The following IGF1R variants were observed in gnomAD, a reference collection of about 807,000 sequenced individuals.
The protein encoded by IGF1R is insulin like growth factor 1 receptor, also known as insulin-like growth factor 1 receptor.
IGF1R carries 44 observed loss-of-function variants against 144.6 expected under a neutral mutation model. The ratio of observed to expected loss-of-function variants is 0.30; its 90% CI spans 0.24 to 0.39. IGF1R has a LOEUF of 0.39. Ranked by LOEUF, IGF1R falls within the 10% of genes least tolerant of loss-of-function variation. The pLI, the probability that IGF1R is intolerant of heterozygous loss-of-function variation, is 1.00. For missense variants in IGF1R, 1,355 were observed against 1,833.7 expected (o/e 0.74, Z 4.77); for synonymous variants, 795 against 722.8 (o/e 1.10, Z -1.60).
intron 1 of IGF1R, among the ~76,000 whole-genome samples, chr15:98,656,070 G>A (rs1355707066): frequency 6.6e-6 from 1 of 152,212 alleles, no homozygotes; most frequent in Non-Finnish European, 1.5e-5. Flanking sequence ...TTTATGGTGA[G>A]GGATGAACAC....
At chr15:98,875,207 G>C (rs1051095246) in intron 2 of IGF1R, among the ~76,000 whole-genome samples, 12 of 36,746 alleles carry the variant, frequency 3.3e-4, no homozygotes, top group Admixed American at 4.3e-4. Context: ...TTATTTCTTT[G>C]AAGAAGGCCA....
chr15:98,899,008 TA>T (rs1214503295), intron 4 of IGF1R, among the ~76,000 whole-genome samples: 1 of 152,246 alleles, frequency 6.6e-6, no homozygotes, highest in Non-Finnish European at 1.5e-5. Flanking sequence ...CAAGTCTTAG[TA>T]AAATGGAACC....
At chr15:98,697,663 C>T (rs1475458340) in intron 1 of IGF1R, among the ~76,000 whole-genome samples, 1 of 124,820 alleles carries the variant, frequency 8.0e-6, no homozygotes, top group East Asian at 2.3e-4. Context: ...TCCACTTGCA[C>T]TTGTGTTAAA....
chr15:98,842,631 C>A (rs1208554214), intron 2 of IGF1R, among the ~76,000 whole-genome samples: 1 of 152,150 alleles, frequency 6.6e-6, no homozygotes, highest in Non-Finnish European at 1.5e-5. Flanking sequence ...AACCATCAGT[C>A]GAAGGCTAAA....
At chr15:98,879,838 GA>G (rs1278186028) in intron 2 of IGF1R, among the ~76,000 whole-genome samples, 1 of 152,118 alleles carries the variant, frequency 6.6e-6, no homozygotes, top group Non-Finnish European at 1.5e-5. Context: ...GATAAATATT[GA>G]AAACATTACC....
chr15:98,838,609 A>G (rs905758296), intron 2 of IGF1R, among the ~76,000 whole-genome samples: 2 of 152,180 alleles, frequency 1.3e-5, no homozygotes, highest in East Asian at 1.9e-4. Context: ...CCAGTACTCT[A>G]AGGTCAAAGG....
chr15:98,954,525 A>G (rs1378139259), intron 20 of IGF1R: 2 of 152,252 alleles, frequency 1.3e-5, no homozygotes, highest in African/African-American at 2.4e-5. Context: ...ACAGAGCAAA[A>G]AAGACTTCCT....
At position 98,868,370 on chromosome 15, in the gene IGF1R, T is replaced by G. The variant is rs866575832; in HGVS notation, c.641-22955T>G. On this transcript the variant is annotated intron_variant, in intron 2 of 20. Transcript: ENST00000650285. ...GCCAAATCTGTTGGGTTTTTTTTTT[T>G]GGGGGGGGGGTCCTTTAGAATGGCC... Among the ~76,000 whole-genome samples, 258 of 122,776 alleles carry G rather than the reference T, an allele frequency of 2.1e-3. 1 individual carries two copies. The highest frequency in any genetic ancestry group is 4.6e-3 in the Middle Eastern group (1 of 218). 80.5% of individuals were successfully genotyped at this position (122,776 alleles called of 152,430 possible).
intron 1 of IGF1R, among the ~76,000 whole-genome samples, chr15:98,654,770 A>ATG (rs1294767490): frequency 4.6e-5 from 7 of 151,980 alleles, no homozygotes; most frequent in Non-Finnish European, 2.9e-5. Context: ...TACTAAATAT[A>ATG]TAATAGTTGC....
rs574643297 is a variant in IGF1R, at chr15:98,962,730, CTTGA to C, written c.*5292_*5295del. ...GAAGGAATGTGGGCAAGGTTTTGAA[CTTGA>C]TTGTTCTTGAAGCTATCAGACCACA... On this transcript the variant is annotated 3_prime_UTR_variant, in exon 21 of 21. Coordinates refer to ENST00000650285, the MANE Select transcript of IGF1R (RefSeq NM_000875.5). 124 of 233,566 alleles carry C rather than the reference CTTGA, an allele frequency of 5.3e-4. No homozygotes were observed. The highest frequency in any genetic ancestry group is 2.5e-3 in the Middle Eastern group (2 of 788). The allele number at this position is 233,566 out of a possible 1,614,324, so 14.5% of individuals were successfully genotyped here.
intron 13 of IGF1R, among the ~76,000 whole-genome samples, chr15:98,927,773 A>G (rs139704110): frequency 3.9e-5 from 6 of 152,360 alleles, no homozygotes; most frequent in African/African-American, 1.4e-4. Context: ...AAATAGCTGT[A>G]GTAGTCTTTA....
chr15:98,896,208 A>G (rs145728131), intron 3 of IGF1R, among the ~76,000 whole-genome samples: 24 of 152,350 alleles, frequency 1.6e-4, no homozygotes, highest in Non-Finnish European at 3.2e-4. Context: ...TAGCAAGAAA[A>G]TAATGGATCT....
chr15:98,948,546 G>A lies in IGF1R; in HGVS notation c.3588-28G>A, dbSNP rs555369075. On this transcript the variant is annotated intron_variant, in intron 19 of 20. Coordinates refer to ENST00000650285, the MANE Select transcript of IGF1R (RefSeq NM_000875.5). ...CATTGTTCAGTCCATCCCTTTCCAA[G>A]CTCCTCACAGTTTTTTTCTCCCTGT... 1.6e-5 allele frequency: 26 copies of A among 1,612,734 alleles called. No individual in the cohort carries two copies. In the East Asian group the frequency reaches 5.6e-4, roughly 35 times the overall value.
rs548957578 is a variant in IGF1R at position 98,745,132 on chromosome 15, T to C, written c.640+37025T>C. On this transcript the variant is annotated intron_variant, in intron 2 of 20. Coordinates refer to ENST00000650285, the MANE Select transcript of IGF1R (RefSeq NM_000875.5). ...TTCTTTTTCTATCAGTATTAGCTAA[T>C]ATAGGGAGAAGGAAGTCATGCTTCT... Among the ~76,000 whole-genome samples, 4 of 152,356 alleles carry C rather than the reference T, an allele frequency of 2.6e-5. No individual in the cohort carries two copies. In the East Asian group the frequency reaches 7.7e-4, roughly 29 times the overall value.
At chr15:98,726,652 T>G (rs545491524) in intron 2 of IGF1R, among the ~76,000 whole-genome samples, 67 of 151,394 alleles carry the variant, frequency 4.4e-4, no homozygotes, top group African/African-American at 1.6e-3. Context: ...TTTTAATTCC[T>G]TGCTTTTCTC....
chr15:98,880,884 CTG>C (rs2013335934), intron 2 of IGF1R: 1 of 152,214 alleles, frequency 6.6e-6, no homozygotes, highest in African/African-American at 2.4e-5. Flanking sequence ...ATGTAAGTGA[CTG>C]TGCTATCAGG....
At chr15:98,712,445 A>C (rs956960362) in intron 2 of IGF1R, among the ~76,000 whole-genome samples, 1 of 151,272 alleles carries the variant, frequency 6.6e-6, no homozygotes, top group Non-Finnish European at 1.5e-5. Context: ...TGTCCTTTGG[A>C]CACTTCCTTC....
chr15:98,782,137 C>T (rs1048566398), intron 2 of IGF1R, among the ~76,000 whole-genome samples: 7 of 152,214 alleles, frequency 4.6e-5, no homozygotes, highest in African/African-American at 1.7e-4. Flanking sequence ...AATAACTTTC[C>T]TGTTAATATG....
chr15:98,957,013 A>C, intron 20 of IGF1R, 48 bp from the exon 21 acceptor site: 2 of 1,611,656 alleles, frequency 1.2e-6, no homozygotes, highest in Non-Finnish European at 1.7e-6. Context: ...CCTCCTGGCC[A>C]TGTGCGCCCT....
Sources: gnomAD v4.1 joint callset for allele counts (sites outside exome capture counted in the v4.1 genomes callset) on GRCh38, gnomAD v4.1.1 for gene constraint, MANE v1.5 for transcripts, NCBI Gene and HGNC (gene_info 2026-07-23, HGNC 2026-07-21) for gene names.